TSG101: variants seen among roughly 807,000 people sequenced by gnomAD.
The protein encoded by TSG101 is tumor susceptibility gene 101 protein.
TSG101 carries 19 observed loss-of-function variants against 48.5 expected under a neutral mutation model. The observed-to-expected ratio is 0.39, with a 90% CI of 0.27 to 0.58. The LOEUF is 0.58. Ranked by LOEUF, TSG101 falls within the 20% of genes least tolerant of loss-of-function variation. The pLI, the probability that TSG101 is intolerant of heterozygous loss-of-function variation, is 0.55. For missense variants in TSG101, 365 were observed against 484.4 expected (o/e 0.75, Z 2.31); for synonymous variants, 174 against 169.4 (o/e 1.03, Z -0.21).
chr11:18,509,782 C>T, intron 4 of TSG101, 117 bp from the exon 5 acceptor site: 1 of 1,100,998 alleles, frequency 9.1e-7, no homozygotes, highest in Non-Finnish European at 1.2e-6. Context: ...TGTAGGACCC[C>T]AATCATGAAA....
At chr11:18,519,916 G>T (rs923483785) in intron 1 of TSG101, among the ~76,000 whole-genome samples, 15 of 152,136 alleles carry the variant, frequency 9.9e-5, no homozygotes, top group African/African-American at 3.6e-4. Context: ...GCTTTTTAAA[G>T]ATATAATTCA....
At position 18,514,856 on chromosome 11, in the gene TSG101, G is replaced by A; in HGVS notation, c.194-15C>T. 1.3e-6 allele frequency: 2 copies of A among 1,526,186 alleles called. No individual in the cohort carries two copies. The highest frequency in any genetic ancestry group is 2.5e-5 in the East Asian group (1 of 39,548). The allele number at this position is 1,526,186 out of a possible 1,614,324, so 94.5% of individuals were successfully genotyped here. A position where few individuals can be genotyped will look rare whatever the true frequency, so the allele number is the denominator to read the frequency against. ...GTATGTATTACCTGAAAAAGAAATA[G>A]AAACTTCAGTTACTCTATTTTTATT... is the stretch of plus-strand genomic sequence containing the variant. On this transcript the variant is annotated splice_polypyrimidine_tract_variant and intron_variant, in intron 3 of 9. Coordinates refer to ENST00000251968, the MANE Select transcript of TSG101 (RefSeq NM_006292.4).
chr11:18,511,767 C>T (rs1478562483), intron 4 of TSG101, among the ~76,000 whole-genome samples: 1 of 152,090 alleles, frequency 6.6e-6, no homozygotes, highest in African/African-American at 2.4e-5. Flanking sequence ...GAAAAAGAAA[C>T]CCTGTACTCA....
chr11:18,519,392 T>C (rs1381382373), intron 2 of TSG101, 127 bp downstream of exon 2: 3 of 714,210 alleles, frequency 4.2e-6, no homozygotes, highest in Admixed American at 5.7e-5. Flanking sequence ...CTCCAACAGT[T>C]TTATTAGGCG....
intron 2 of TSG101, among the ~76,000 whole-genome samples, chr11:18,516,659 C>T (rs942265868): frequency 3.5e-4 from 53 of 149,376 alleles, no homozygotes; most frequent in African/African-American, 9.9e-4. Flanking sequence ...AAATCACCAT[C>T]GGCCAGGCGC....
chr11:18,516,691 C>T (rs912826136), intron 2 of TSG101, among the ~76,000 whole-genome samples: 1 of 151,812 alleles, frequency 6.6e-6, no homozygotes, highest in South Asian at 2.1e-4. Flanking sequence ...CCTGTAATCC[C>T]AGCACTTTGA....
At chr11:18,486,948 A>G (rs750219847) in intron 7 of TSG101, among the ~76,000 whole-genome samples, 4 of 151,866 alleles carry the variant, frequency 2.6e-5, no homozygotes, top group Non-Finnish European at 4.4e-5. Context: ...ATAAAAAATG[A>G]TGAGTTCATG....
chr11:18,522,546 T>G (rs910684328), intron 1 of TSG101, among the ~76,000 whole-genome samples: 4 of 152,222 alleles, frequency 2.6e-5, no homozygotes, highest in African/African-American at 9.6e-5. Flanking sequence ...TCACCTAGAT[T>G]ACTGCAACAG....
chr11:18,513,212 T>C (rs1850117720), intron 4 of TSG101, among the ~76,000 whole-genome samples: 1 of 152,152 alleles, frequency 6.6e-6, no homozygotes, highest in African/African-American at 2.4e-5. Flanking sequence ...AGAGGCGTTC[T>C]GCTTAGTTTT....
chr11:18,499,361 TATAA>T (rs1849845292), intron 7 of TSG101, among the ~76,000 whole-genome samples: 1 of 101,204 alleles, frequency 9.9e-6, no homozygotes, highest in African/African-American at 3.7e-5. Flanking sequence ...TATGTTTATA[TATAA>T]ATATGTTTAT....
At chr11:18,492,454 G>A (rs1013749613) in intron 7 of TSG101, among the ~76,000 whole-genome samples, 1 of 152,128 alleles carries the variant, frequency 6.6e-6, no homozygotes. Flanking sequence ...TTATACTGAT[G>A]CTAAATTTTT....
intron 4 of TSG101, among the ~76,000 whole-genome samples, chr11:18,513,909 T>A (rs556016528): frequency 4.1e-4 from 63 of 152,248 alleles, no homozygotes; most frequent in African/African-American, 1.4e-3. Flanking sequence ...ACCCCACCTC[T>A]ACTAAATACT....
At chr11:18,514,100 G>C (rs1850130028) in intron 4 of TSG101, among the ~76,000 whole-genome samples, 1 of 151,396 alleles carries the variant, frequency 6.6e-6, no homozygotes, top group Non-Finnish European at 1.5e-5. Flanking sequence ...AAAAAAAAAG[G>C]AATCAGTAAG....
intron 7 of TSG101, among the ~76,000 whole-genome samples, chr11:18,498,904 G>A (rs1849826111): frequency 1.3e-5 from 2 of 152,082 alleles, no homozygotes; most frequent in Non-Finnish European, 2.9e-5. Flanking sequence ...TGGAAAACAA[G>A]AGGAAAGTGT....
intron 7 of TSG101, among the ~76,000 whole-genome samples, chr11:18,487,212 T>C (rs569379589): frequency 1.2e-3 from 174 of 150,962 alleles, no homozygotes; most frequent in African/African-American, 4.0e-3. Flanking sequence ...TGTATACATA[T>C]GTAACTAACC....
intron 7 of TSG101, among the ~76,000 whole-genome samples, chr11:18,502,268 G>A (rs375985920): frequency 2.0e-5 from 3 of 152,190 alleles, no homozygotes; most frequent in Non-Finnish European, 2.9e-5. Context: ...GTGATCAAAA[G>A]AAAGATTGAT....
At chr11:18,497,748 T>C (rs1022629749) in intron 7 of TSG101, among the ~76,000 whole-genome samples, 1 of 152,234 alleles carries the variant, frequency 6.6e-6, no homozygotes, top group African/African-American at 2.4e-5. Context: ...GCTTTGCTTA[T>C]GGATTAAAGA....
intron 9 of TSG101, 27 bp from the exon 10 acceptor site, chr11:18,480,662 T>C (rs1207759552): frequency 1.2e-6 from 2 of 1,602,348 alleles, no homozygotes; most frequent in Non-Finnish European, 1.7e-6. Context: ...GTTTGAATAG[T>C]TTAGAATGGC....
In TSG101 at chr11:18,506,901, T is replaced by A. The variant is rs776136819; in HGVS notation, c.504A>T (p.Pro168=). Residue 168 remains proline, a synonymous_variant, in exon 6 of 10, where the codon CCA becomes CCT. Transcript: ENST00000251968. ...CGGATGGGTATGGAGAGATTCCACCTGGCATGCCTGGCATGTAGGAAGCTA... is the reference window on the plus strand; with the variant it reads ...CGGATGGGTATGGAGAGATTCCACCAGGCATGCCTGGCATGTAGGAAGCTA... The part of the protein sequence containing the change: ...PPNTSYMPGM[P]GGISPYPSGY... The A allele has an allele frequency of 4.4e-6, 7 of 1,607,458 alleles. No individual in the cohort carries two copies. The Admixed American group carries it at 1.0e-4, about 23-fold the overall frequency.
Sources: gnomAD v4.1 joint callset for allele counts (sites outside exome capture counted in the v4.1 genomes callset) on GRCh38, gnomAD v4.1.1 for gene constraint, MANE v1.5 for transcripts, NCBI Gene and HGNC (gene_info 2026-07-23, HGNC 2026-07-21) for gene names.